Variants in KIF18A observed in about 807,000 individuals in gnomAD.
KIF18A encodes the protein kinesin family member 18A.
In KIF18A, 67 loss-of-function variants were observed where a neutral mutation model predicts 103.3. The observed-to-expected ratio is 0.65, with a 90% confidence interval of 0.53 to 0.79. The LOEUF (loss-of-function observed/expected upper bound fraction) is 0.79, where lower values mean the gene tolerates loss of function less well. Among genes scored for constraint, KIF18A ranks in the 30% least tolerant of loss-of-function variants. The pLI, the probability that KIF18A is intolerant of heterozygous loss-of-function variation, is 0.00. For synonymous variants in KIF18A, 367 were observed against 355.5 expected (o/e 1.03, Z -0.36); for missense variants, 1,032 against 1,062.5 (o/e 0.97, Z 0.40).
At chr11:28,044,428 T>C (rs937500747) in intron 13 of KIF18A, among the ~76,000 whole-genome samples, 6 of 152,114 alleles carry the variant, frequency 3.9e-5, no homozygotes. Context: ...CTTTGTTTAA[T>C]AAGTCCAACC....
rs1454604266 is a variant in KIF18A at position 28,097,613 on chromosome 11, A to G, written c.325+10T>C. The G allele has an allele frequency of 6.5e-7, 1 of 1,544,754 alleles. No individual in the cohort carries two copies. Among genetic ancestry groups the G allele is most frequent in the South Asian group, 1.1e-5 (1 of 89,468 alleles). On this transcript the variant is annotated intron_variant, in intron 2 of 16. Transcript: ENST00000263181. The stretch of plus-strand genomic sequence containing the variant: ...GATAGAGAAATTAAATCCCAAATTG[A>G]AACAAATACCTGTGCAATTATATCC...
intron 16 of KIF18A, among the ~76,000 whole-genome samples, chr11:28,022,206 T>G (rs1001328773): frequency 1.3e-5 from 2 of 152,138 alleles, no homozygotes; most frequent in Non-Finnish European, 2.9e-5. Context: ...ACATGAAATA[T>G]TTGATGAATT....
At chr11:28,045,901 C>T (rs572883683) in intron 13 of KIF18A, among the ~76,000 whole-genome samples, 1 of 151,726 alleles carries the variant, frequency 6.6e-6, no homozygotes, top group Admixed American at 6.6e-5. Flanking sequence ...ACAGACACTT[C>T]TCAAAAGAAG....
chr11:28,054,804 C>T (rs1850757269), intron 13 of KIF18A, among the ~76,000 whole-genome samples: 1 of 152,078 alleles, frequency 6.6e-6, no homozygotes, highest in South Asian at 2.1e-4. Flanking sequence ...CAAGAGAAAA[C>T]ACGTTAATTA....
At chr11:28,089,552 T>C (rs1182607613) in intron 5 of KIF18A, among the ~76,000 whole-genome samples, 2 of 152,190 alleles carry the variant, frequency 1.3e-5, no homozygotes, top group East Asian at 3.8e-4. Flanking sequence ...ATTTGAGTAA[T>C]GTGTTACGCC....
At position 28,094,958 on chromosome 11, in the gene KIF18A, C is replaced by A. The variant is rs535989886; in HGVS notation, c.326-158G>T. 6.7e-4 allele frequency among the ~76,000 whole-genome samples: 102 copies of A among 152,170 alleles called. 2 individuals carry two copies. The highest frequency in any genetic ancestry group is 6.6e-3 in the Admixed American group (101 of 15,276). ...TTATCCTTAAAACCTGGGAATGTTACCACAAATCTACTCTTACTCCTATGT... is the reference window on the plus strand; with the variant it reads ...TTATCCTTAAAACCTGGGAATGTTAACACAAATCTACTCTTACTCCTATGT... On this transcript the variant is annotated intron_variant, in intron 2 of 16. Transcript: ENST00000263181.
rs140493278 is a variant in KIF18A at position 28,069,172 on chromosome 11, G to A, written c.1590+87C>T. On this transcript the variant is annotated intron_variant, in intron 11 of 16. Coordinates refer to ENST00000263181, the MANE Select transcript of KIF18A (RefSeq NM_031217.4). ...TATGAGGCAATAATAGTTGTCTTAT[G>A]AAAGACATTTACTCAATAAGAAAAA... 1,446 of 1,003,282 alleles carry A rather than the reference G, an allele frequency of 1.4e-3. 5 individuals carry two copies. The highest frequency in any genetic ancestry group is 1.9e-3 in the Non-Finnish European group (1,256 of 648,700). 62.1% of individuals were successfully genotyped at this position (1,003,282 alleles called of 1,614,324 possible). A position where few individuals can be genotyped will look rare whatever the true frequency, so the allele number is the denominator to read the frequency against.
intron 9 of KIF18A, among the ~76,000 whole-genome samples, chr11:28,080,133 G>A (rs909720312): frequency 2.6e-5 from 4 of 152,042 alleles, no homozygotes; most frequent in South Asian, 4.2e-4. Context: ...CAATATGAGC[G>A]CCACTAAAAT....
intron 15 of KIF18A, among the ~76,000 whole-genome samples, chr11:28,031,404 CA>C (rs1430988145): frequency 1.3e-5 from 2 of 151,978 alleles, no homozygotes; most frequent in Non-Finnish European, 2.9e-5. Flanking sequence ...AGCTGAAAAC[CA>C]TCATTCTCAG....
chr11:28,087,320 A>G lies in KIF18A; in HGVS notation c.897+1204T>C, dbSNP rs537173234. On this transcript the variant is annotated intron_variant, in intron 6 of 16. Coordinates refer to ENST00000263181, the MANE Select transcript of KIF18A (RefSeq NM_031217.4). The stretch of plus-strand genomic sequence containing the variant: ...ATTGTTCAACTCCCACTTATGAGTG[A>G]GAACCTGCTATGCAGTGTTTGGTTT... Among the ~76,000 whole-genome samples the G allele has an allele frequency of 9.2e-5, 14 of 152,268 alleles. 1 individual carries two copies. The highest frequency in any genetic ancestry group is 3.4e-3 in the Middle Eastern group (1 of 294).
intron 4 of KIF18A, 22 bp from the exon 5 acceptor site, chr11:28,090,749 C>T (rs1851290267): frequency 1.6e-6 from 2 of 1,223,190 alleles, no homozygotes; most frequent in Middle Eastern, 1.9e-4. Context: ...TAAGTAGAAG[C>T]AAAATTTAAA....
At chr11:28,030,430 A>C (rs980335052) in intron 15 of KIF18A, among the ~76,000 whole-genome samples, 33 of 152,148 alleles carry the variant, frequency 2.2e-4, no homozygotes, top group African/African-American at 7.7e-4. Context: ...AGAAATGGGG[A>C]AAGGATTCCC....
In KIF18A at chr11:28,083,056, A is replaced by G. The variant is rs1406551760; in HGVS notation, c.1150-88T>C. On this transcript the variant is annotated intron_variant, in intron 8 of 16. Coordinates refer to ENST00000263181, the MANE Select transcript of KIF18A (RefSeq NM_031217.4). ...TTAGCTGTAAAAAATAACTGAATTA[A>G]CCAGATTTTAATTTTAATAGAAAAA... 3 of 1,462,034 alleles carry G rather than the reference A, an allele frequency of 2.1e-6. No individual in the cohort carries two copies. The East Asian group carries it at 7.5e-5, about 36-fold the overall frequency. 90.6% of individuals were successfully genotyped at this position (1,462,034 alleles called of 1,614,324 possible).
At chr11:28,104,410 A>G (rs1161777752) in intron 1 of KIF18A, among the ~76,000 whole-genome samples, 3 of 152,094 alleles carry the variant, frequency 2.0e-5, no homozygotes, top group Admixed American at 6.5e-5. Flanking sequence ...CATTCCTAAA[A>G]CACTTCAGTC....
At chr11:28,036,150 A>G in intron 14 of KIF18A, 67 bp downstream of exon 14, 1 of 1,008,818 alleles carries the variant, frequency 9.9e-7, no homozygotes, top group South Asian at 1.9e-5. Context: ...TTTATGAAAT[A>G]AACCTCAACT....
At chr11:28,075,440 A>G (rs1204825528) in intron 10 of KIF18A, among the ~76,000 whole-genome samples, 1 of 152,170 alleles carries the variant, frequency 6.6e-6, no homozygotes, top group Non-Finnish European at 1.5e-5. Context: ...AAGAGTCAAT[A>G]TATGTAAAGT....
intron 13 of KIF18A, among the ~76,000 whole-genome samples, 153 bp from the exon 14 acceptor site, chr11:28,036,817 C>T (rs529814655): frequency 1.4e-4 from 21 of 151,314 alleles, no homozygotes; most frequent in Middle Eastern, 3.4e-3. Context: ...GAAAATATCA[C>T]GGTTTACTGC....
chr11:28,106,551 CAAAAA>C (rs11301094), intron 1 of KIF18A, among the ~76,000 whole-genome samples: 1 of 82,334 alleles, frequency 1.2e-5, no homozygotes, highest in Non-Finnish European at 2.6e-5. Flanking sequence ...CAGTTGTCAG[CAAAAA>C]AAAAAAAAAA....
At chr11:28,090,082 C>T (rs894918258) in intron 5 of KIF18A, among the ~76,000 whole-genome samples, 1 of 152,044 alleles carries the variant, frequency 6.6e-6, no homozygotes, top group Non-Finnish European at 1.5e-5. Context: ...CTAAAAGAAG[C>T]TTTATATTAT....
Sources: allele counts gnomAD v4.1 joint callset (sites outside exome capture counted in the v4.1 genomes callset), GRCh38; gene constraint gnomAD v4.1.1; transcripts MANE v1.5; gene names NCBI Gene and HGNC (gene_info 2026-07-23, HGNC 2026-07-21).